Variants in STAU2 observed in about 807,000 individuals in gnomAD.
STAU2 encodes double-stranded RNA-binding protein Staufen homolog 2.
STAU2 carries 20 observed loss-of-function variants against 65.9 expected under a neutral mutation model. The ratio of observed to expected loss-of-function variants is 0.30; its 90% CI spans 0.21 to 0.44. STAU2 has a LOEUF of 0.44. STAU2 is among the 20% of genes least tolerant of loss of function. The pLI, the probability that STAU2 is intolerant of heterozygous loss-of-function variation, is 1.00. For synonymous variants in STAU2, 232 were observed against 233.9 expected, an observed-to-expected ratio of 0.99 and a Z score of 0.07; for missense variants, 558 against 683.9, an observed-to-expected ratio of 0.82 and a Z score of 2.05.
At chr8:73,557,969 T>C (rs1563420922) in intron 12 of STAU2, among the ~76,000 whole-genome samples, 1 of 152,054 alleles carries the variant, frequency 6.6e-6, no homozygotes, top group African/African-American at 2.4e-5. Context: ...ATAACAACCA[T>C]ATGAAATGGG....
chr8:73,523,413 GT>G (rs1260697943), intron 13 of STAU2, among the ~76,000 whole-genome samples: 12 of 151,844 alleles, frequency 7.9e-5, no homozygotes, highest in Non-Finnish European at 1.3e-4. Context: ...GAATCTGGCT[GT>G]TTTTTTAACA....
chr8:73,496,335 C>T (rs1212284728), intron 13 of STAU2, among the ~76,000 whole-genome samples: 2 of 151,438 alleles, frequency 1.3e-5, no homozygotes, highest in Non-Finnish European at 3.0e-5. Flanking sequence ...GTGAAGATGA[C>T]CACTTTGGAG....
In STAU2 at chr8:73,630,954, A is replaced by C. The variant is rs375110516; in HGVS notation, c.411-13503T>G. 2.6e-5 allele frequency among the ~76,000 whole-genome samples: 4 copies of C among 152,272 alleles called. No homozygotes were observed. In the East Asian group the frequency reaches 5.8e-4, roughly 22 times the overall value. On this transcript the variant is annotated intron_variant, in intron 6 of 14. Transcript: ENST00000524300. ...CAGAATCTCTAGACTTTCATTTCAC[A>C]CGCTCAGTGGCACCCCTAGTTTCCC...
intron 13 of STAU2, among the ~76,000 whole-genome samples, chr8:73,525,443 A>G (rs1476530606): frequency 6.6e-6 from 1 of 151,650 alleles, no homozygotes; most frequent in African/African-American, 2.4e-5. Flanking sequence ...TTTTTTTTCT[A>G]ATTTGTAAAG....
At chr8:73,580,776 T>C (rs991590552) in intron 12 of STAU2, among the ~76,000 whole-genome samples, 3 of 152,186 alleles carry the variant, frequency 2.0e-5, no homozygotes, top group African/African-American at 7.2e-5. Flanking sequence ...TTTTCAGAGC[T>C]GGGCTGCCCT....
At chr8:73,537,210 GA>G (rs1376675328) in intron 13 of STAU2, among the ~76,000 whole-genome samples, 3 of 151,942 alleles carry the variant, frequency 2.0e-5, no homozygotes, top group Admixed American at 2.0e-4. Context: ...AAAAGACTGA[GA>G]AAAAAACAAA....
chr8:73,555,192 C>T (rs900827387), intron 12 of STAU2, among the ~76,000 whole-genome samples: 3 of 152,190 alleles, frequency 2.0e-5, no homozygotes, highest in Middle Eastern at 3.4e-3. Context: ...CTGGAGATGA[C>T]GATGACAGTA....
chr8:73,481,347 A>G (rs954683568), intron 13 of STAU2, among the ~76,000 whole-genome samples: 4 of 152,022 alleles, frequency 2.6e-5, no homozygotes, highest in African/African-American at 9.7e-5. Context: ...GGCTGGGAGA[A>G]AAGAAACAGC....
intron 6 of STAU2, among the ~76,000 whole-genome samples, chr8:73,629,929 T>A (rs1813968666): frequency 6.6e-6 from 1 of 152,160 alleles, no homozygotes; most frequent in Non-Finnish European, 1.5e-5. Flanking sequence ...AATTTTTTTT[T>A]ATTTTTATGT....
chr8:73,713,179 T>A (rs1821015281), intron 3 of STAU2, among the ~76,000 whole-genome samples: 1 of 152,232 alleles, frequency 6.6e-6, no homozygotes, highest in African/African-American at 2.4e-5. Flanking sequence ...ATATTTATAA[T>A]AACAGTATTT....
chr8:73,547,331 C>A (rs1483054111), intron 13 of STAU2, among the ~76,000 whole-genome samples: 1 of 145,394 alleles, frequency 6.9e-6, no homozygotes, highest in Non-Finnish European at 1.5e-5. Context: ...ACCAGGATTT[C>A]TTTCTTCAAA....
intron 11 of STAU2, chr8:73,590,601 A>G (rs1810704916): frequency 1.3e-5 from 2 of 152,218 alleles, no homozygotes; most frequent in Non-Finnish European, 2.9e-5. Flanking sequence ...CCCCATGCCC[A>G]TGGGCCTCAA....
intron 13 of STAU2, among the ~76,000 whole-genome samples, chr8:73,425,678 GT>G: frequency 6.6e-6 from 1 of 151,886 alleles, no homozygotes; most frequent in Non-Finnish European, 1.5e-5. Context: ...TATAAAAATA[GT>G]TTTTTGTTAC....
At chr8:73,569,326 G>A (rs1808861270) in intron 12 of STAU2, among the ~76,000 whole-genome samples, 1 of 152,132 alleles carries the variant, frequency 6.6e-6, no homozygotes, top group Non-Finnish European at 1.5e-5. Flanking sequence ...CGAACTGGGT[G>A]GAGCCCACCA....
chr8:73,486,029 C>T (rs1820892950), intron 13 of STAU2, among the ~76,000 whole-genome samples: 1 of 152,102 alleles, frequency 6.6e-6, no homozygotes, highest in South Asian at 2.1e-4. Flanking sequence ...TCTTCAGGGT[C>T]TTGGCTTCTT....
At chr8:73,502,652 C>G (rs991492092) in intron 13 of STAU2, among the ~76,000 whole-genome samples, 1 of 152,040 alleles carries the variant, frequency 6.6e-6, no homozygotes, top group Non-Finnish European at 1.5e-5. Flanking sequence ...CTTCAAAGGT[C>G]ACCTTCTGCA....
At chr8:73,505,207 T>A (rs146523996) in intron 13 of STAU2, among the ~76,000 whole-genome samples, 114 of 152,122 alleles carry the variant, frequency 7.5e-4, no homozygotes, top group African/African-American at 2.5e-3. Context: ...AGAGCTAGAG[T>A]GCAGCCCAGG....
At chr8:73,466,057 G>A (rs912849159) in intron 13 of STAU2, among the ~76,000 whole-genome samples, 1 of 152,214 alleles carries the variant, frequency 6.6e-6, no homozygotes, top group Non-Finnish European at 1.5e-5. Flanking sequence ...GTATACTGGT[G>A]TAGGGTCATG....
intron 13 of STAU2, among the ~76,000 whole-genome samples, chr8:73,435,629 C>T (rs916780267): frequency 1.3e-5 from 2 of 151,912 alleles, no homozygotes; most frequent in Non-Finnish European, 2.9e-5. Context: ...TCTATCTTGT[C>T]CGAGAGAAAT....
Sources: gnomAD v4.1 joint callset for allele counts (sites outside exome capture counted in the v4.1 genomes callset) on GRCh38, gnomAD v4.1.1 for gene constraint, MANE v1.5 for transcripts, NCBI Gene and HGNC (gene_info 2026-07-23, HGNC 2026-07-21) for gene names.